The following ECI1 variants were observed in gnomAD, a reference collection of about 807,000 sequenced individuals.
ECI1 encodes the protein enoyl-CoA delta isomerase 1, mitochondrial.
ECI1 carries 34 observed loss-of-function variants against 34.2 expected under a neutral mutation model. That is an observed-to-expected ratio of 1.00 (90% CI 0.76 to 1.33). The LOEUF (loss-of-function observed/expected upper bound fraction) is 1.33. ECI1 is among the 40% of genes most tolerant of loss of function. ECI1 has a pLI of 0.00. For missense variants in ECI1, 456 were observed against 422.2 expected (o/e 1.08, Z -0.70); for synonymous variants, 211 against 193.0 (o/e 1.09, Z -0.77).
Position 2,240,070 on chromosome 16 carries a change from T to C in ECI1, c.818A>G (p.Asp273Gly), listed in dbSNP as rs200183052. 9 of 1,614,036 alleles carry C rather than the reference T, an allele frequency of 5.6e-6. No homozygotes were observed. The East Asian group carries it at 1.6e-4, about 28-fold the overall frequency. The change falls in exon 7 of 7, where the codon GAC becomes GGC. Residue 273 changes from aspartate to glycine, a missense_variant. Physicochemically the swap from Asp to Gly is moderately conservative, Grantham distance 94 (BLOSUM62 -1). Transcript: ENST00000301729. ...ASRLVTQRDA[D>G]VQNFVSFISK... ...GATGAAGCTGACGAAGTTCTGCACG[T>C]CCGCATCGCGCTGCGTGACCAGGCG...
intron 6 of ECI1, 124 bp from the exon 7 acceptor site, chr16:2,240,269 T>C: frequency 9.3e-7 from 1 of 1,077,660 alleles, no homozygotes; most frequent in East Asian, 2.6e-5. Context: ...TGGAGTGCAA[T>C]GGTGGGATCT....
Position 2,244,562 on chromosome 16 carries a change from G to A in ECI1, c.295-10C>T, listed in dbSNP as rs374092458. Reference sequence around the variant, plus strand: ...AGACACCCGGGCGGTCCTGCAGGGGGAGCCGGGGCCACATGCCCATCAGAG... The same window carrying A: ...AGACACCCGGGCGGTCCTGCAGGGGAAGCCGGGGCCACATGCCCATCAGAG... On this transcript the variant is annotated splice_polypyrimidine_tract_variant and intron_variant, in intron 3 of 6. Transcript: ENST00000301729. 34 of 1,574,540 alleles carry A rather than the reference G, an allele frequency of 2.2e-5. No homozygotes were observed. In the African/African-American group the frequency reaches 2.8e-4, roughly 13 times the overall value.
chr16:2,247,222 G>C (rs1007770373), intron 2 of ECI1, among the ~76,000 whole-genome samples: 2 of 152,108 alleles, frequency 1.3e-5, no homozygotes, highest in Non-Finnish European at 2.9e-5. Flanking sequence ...TCAGCCTCCT[G>C]AGTAGCTGGG....
intron 4 of ECI1, chr16:2,244,020 G>A (rs1025052898): frequency 1.1e-5 from 4 of 350,474 alleles, no homozygotes; most frequent in South Asian, 2.4e-5. Flanking sequence ...GGACACCCTG[G>A]TTCCTGAGGT....
At chr16:2,244,339 G>T (rs1020918518) in intron 4 of ECI1, 67 bp downstream of exon 4, 2 of 1,530,624 alleles carry the variant, frequency 1.3e-6, no homozygotes, top group Non-Finnish European at 1.8e-6. Flanking sequence ...GCAGGACAGT[G>T]TCTGTCCCAC....
At chr16:2,243,951 A>G (rs1335863905) in intron 4 of ECI1, among the ~76,000 whole-genome samples, 1 of 151,928 alleles carries the variant, frequency 6.6e-6, no homozygotes, top group Non-Finnish European at 1.5e-5. Context: ...TTCCTCTCAC[A>G]CCAGCCCTCC....
At chr16:2,242,882 G>C (rs933572324) in intron 6 of ECI1, 164 bp downstream of exon 6, 14 of 655,348 alleles carry the variant, frequency 2.1e-5, no homozygotes, top group Admixed American at 1.8e-4. Flanking sequence ...TCTGCGGTCT[G>C]GGCCACCCGG....
intron 4 of ECI1, among the ~76,000 whole-genome samples, 192 bp from the exon 5 acceptor site, chr16:2,243,631 C>T (rs1284313103): frequency 6.6e-6 from 1 of 152,196 alleles, no homozygotes; most frequent in East Asian, 1.9e-4. Flanking sequence ...CCCCTTAGCG[C>T]TCGGCAAGGA....
intron 2 of ECI1, 134 bp from the exon 3 acceptor site, chr16:2,247,120 A>C: frequency 8.6e-7 from 1 of 1,163,344 alleles, no homozygotes; most frequent in Non-Finnish European, 1.2e-6. Flanking sequence ...ATTTAGAGAC[A>C]GAGTCTCGCT....
Position 2,244,492 on chromosome 16 carries a change from C to T in ECI1, c.355G>A (p.Ala119Thr), listed in dbSNP as rs376657107. 61 of 1,607,984 alleles carry T rather than the reference C, an allele frequency of 3.8e-5. No homozygotes were observed. Among genetic ancestry groups the T allele is most frequent in the Admixed American group, 1.0e-4 (6 of 59,300 alleles). Residue 119 changes from alanine to threonine, a missense_variant, in exon 4 of 7, where the codon GCC (alanine) becomes ACC (threonine). Physicochemically the swap from Ala to Thr is moderately conservative, Grantham distance 58. Transcript: ENST00000301729. ...DLTEMCGRSP[A>T]HYAGYWKAVQ... ...GCCTTCCAGTACCCAGCGTAGTGGG[C>T]GGGGCTCCTCCCACACATCTCCGTC...
chr16:2,244,587 G>C (rs1042424043), intron 3 of ECI1, 35 bp from the exon 4 acceptor site: 1 of 1,561,254 alleles, frequency 6.4e-7, no homozygotes, highest in African/African-American at 1.4e-5. Context: ...GCCCATCAGA[G>C]TCCACCTCCC....
Position 2,246,848 on chromosome 16 carries a change from C to T in ECI1, c.294+11G>A, listed in dbSNP as rs1414555240. On this transcript the variant is annotated intron_variant, in intron 3 of 6. Coordinates refer to ENST00000301729, the MANE Select transcript of ECI1 (RefSeq NM_001919.4). ...ACTCGGGCTGGGGTAGGGAGCTGAACTAGCACCTACCGAGGTCAGAATGAC... is the reference window on the plus strand; with the variant it reads ...ACTCGGGCTGGGGTAGGGAGCTGAATTAGCACCTACCGAGGTCAGAATGAC... The T allele has an allele frequency of 1.2e-6, 2 of 1,612,090 alleles. No individual in the cohort carries two copies. Among genetic ancestry groups the T allele is most frequent in the Non-Finnish European group, 1.7e-6 (2 of 1,180,004 alleles).
In ECI1 at chr16:2,246,898, C is replaced by T. The variant is rs1596787409; in HGVS notation, c.255G>A (p.Leu85=). The T allele has an allele frequency of 1.2e-6, 2 of 1,613,734 alleles. No homozygotes were observed. Among genetic ancestry groups the T allele is most frequent in the Non-Finnish European group, 1.7e-6 (2 of 1,180,026 alleles). ...LTELVISLEK[L]ENDKSFRGVI... is the part of the protein sequence containing the mutation. ...CACCGCGGAAGCTCTTGTCATTCTC[C>T]AGCTTCTCCAGGCTGATGACCAGCT... is the stretch of plus-strand genomic sequence containing the variant. Residue 85 remains leucine, a synonymous_variant, in exon 3 of 7, where the codon CTG becomes CTA. Coordinates refer to ENST00000301729, the MANE Select transcript of ECI1 (RefSeq NM_001919.4).
In ECI1 at chr16:2,248,446, G is replaced by A. The variant is rs190527108; in HGVS notation, c.167-1460C>T. Among the ~76,000 whole-genome samples the A allele has an allele frequency of 3.4e-5, 5 of 146,576 alleles. No individual in the cohort carries two copies. The East Asian group carries it at 8.2e-4, about 24-fold the overall frequency. ...ATTTTTTTTTTGAGACAAGAGCCTC[G>A]CTCTGTTGCCCAGGCTGGAGTGCAG... On this transcript the variant is annotated intron_variant, in intron 2 of 6. Transcript: ENST00000301729.
chr16:2,248,485 G>C (rs2093545556), intron 2 of ECI1, among the ~76,000 whole-genome samples: 1 of 151,886 alleles, frequency 6.6e-6, no homozygotes, highest in Middle Eastern at 3.2e-3. Context: ...CGCTATCTCG[G>C]CTCACTGCAA....
At chr16:2,242,703 G>A (rs1037040500) in intron 6 of ECI1, 5 of 367,734 alleles carry the variant, frequency 1.4e-5, no homozygotes, top group African/African-American at 4.1e-5. Flanking sequence ...AGAAAGCTGC[G>A]TAAGGATGGA....
Position 2,239,936 on chromosome 16 carries a change from C to G in ECI1, c.*43G>C. The G allele has an allele frequency of 1.2e-6, 2 of 1,605,954 alleles. No homozygotes were observed. Among genetic ancestry groups the G allele is most frequent in the Non-Finnish European group, 1.7e-6 (2 of 1,173,366 alleles). On this transcript the variant is annotated 3_prime_UTR_variant, in exon 7 of 7. Coordinates refer to ENST00000301729, the MANE Select transcript of ECI1 (RefSeq NM_001919.4). ...ACCTTGTTTAAGACCTCCCTGGGAC[C>G]CACAGGGGCACGTGTGGCCGTAAGC...
intron 2 of ECI1, among the ~76,000 whole-genome samples, chr16:2,250,265 A>C (rs1394416112): frequency 1.8e-5 from 2 of 108,932 alleles, no homozygotes; most frequent in African/African-American, 3.1e-5. Context: ...CATCTCCAAA[A>C]AAAAAAAAAA....
rs2093523655 is a variant in ECI1, at chr16:2,239,915, T to G, written c.*64A>C. Reference sequence around the variant, plus strand: ...AGTACTTTTAAGTTGAAAAATACCTTGTTTAAGACCTCCCTGGGACCCACA... The same window carrying G: ...AGTACTTTTAAGTTGAAAAATACCTGGTTTAAGACCTCCCTGGGACCCACA... On this transcript the variant is annotated 3_prime_UTR_variant, in exon 7 of 7. Coordinates refer to ENST00000301729, the MANE Select transcript of ECI1 (RefSeq NM_001919.4). The G allele has an allele frequency of 1.3e-6, 2 of 1,539,274 alleles. No homozygotes were observed. The highest frequency in any genetic ancestry group is 1.8e-6 in the Non-Finnish European group (2 of 1,113,192).
Sources: gnomAD v4.1 joint callset for allele counts (sites outside exome capture counted in the v4.1 genomes callset) on GRCh38, gnomAD v4.1.1 for gene constraint, MANE v1.5 for transcripts, NCBI Gene and HGNC (gene_info 2026-07-23, HGNC 2026-07-21) for gene names.